The following TGM7 variants were observed in gnomAD, a reference collection of about 807,000 sequenced individuals.
The protein encoded by TGM7 is transglutaminase 7.
In TGM7, 74 loss-of-function variants were observed where a neutral mutation model predicts 79.5. The ratio of observed to expected loss-of-function variants is 0.93; its 90% confidence interval spans 0.77 to 1.13. The LOEUF (loss-of-function observed/expected upper bound fraction) is 1.13, where lower values mean the gene tolerates loss of function less well. Ranked by LOEUF, TGM7 falls within the 50% of genes most tolerant of loss-of-function variation. TGM7 has a pLI of 0.00. For synonymous variants in TGM7, 354 were observed against 362.5 expected (o/e 0.98, Z 0.27); for missense variants, 912 against 905.9 (o/e 1.01, Z -0.09).
At chr15:43,292,393 A>G (rs577312095) in intron 3 of TGM7, among the ~76,000 whole-genome samples, 1 of 152,370 alleles carries the variant, frequency 6.6e-6, no homozygotes, top group South Asian at 2.1e-4. Flanking sequence ...GTAGAAGACA[A>G]TGGAAACTGC....
intron 4 of TGM7, 53 bp from the exon 5 acceptor site, chr15:43,287,722 T>C: frequency 6.4e-7 from 1 of 1,568,702 alleles, no homozygotes; most frequent in Non-Finnish European, 8.6e-7. Flanking sequence ...TCTAGACTTC[T>C]GAAACTTTAA....
intron 11 of TGM7, among the ~76,000 whole-genome samples, chr15:43,278,246 G>A (rs1050104283): frequency 1.3e-5 from 2 of 152,242 alleles, no homozygotes; most frequent in Non-Finnish European, 2.9e-5. Flanking sequence ...CTTTCTGAGT[G>A]GGAGGGGCAG....
Position 43,294,041 on chromosome 15 carries a change from A to C in TGM7, c.11-410T>G, listed in dbSNP as rs145976648. ...AAAGGGAAACAATTCCAGATAACCG[A>C]AACTTAACCCCTGAAGTGCCGCTGC... is the stretch of plus-strand genomic sequence containing the variant. On this transcript the variant is annotated intron_variant, in intron 1 of 12. Coordinates refer to ENST00000452443, the MANE Select transcript of TGM7 (RefSeq NM_052955.3). 9.3e-4 allele frequency among the ~76,000 whole-genome samples: 141 copies of C among 152,194 alleles called. 1 individual carries two copies. Among genetic ancestry groups the C allele is most frequent in the African/African-American group, 3.0e-3 (123 of 41,520 alleles).
intron 8 of TGM7, 73 bp from the exon 9 acceptor site, chr15:43,282,159 T>C (rs1263845913): frequency 3.2e-6 from 5 of 1,577,842 alleles, no homozygotes; most frequent in Non-Finnish European, 4.3e-6. Flanking sequence ...GGAGATGGGA[T>C]AGGCAGCGGC....
At chr15:43,283,574 T>C (rs965941492) in intron 7 of TGM7, among the ~76,000 whole-genome samples, 10 of 152,204 alleles carry the variant, frequency 6.6e-5, no homozygotes, top group African/African-American at 2.2e-4. Flanking sequence ...AAAACAGTCT[T>C]TATGTTATTT....
intron 1 of TGM7, chr15:43,301,956 G>T: frequency 2.0e-6 from 1 of 498,562 alleles, no homozygotes; most frequent in Non-Finnish European, 3.6e-6. Flanking sequence ...CAGGGGCCAA[G>T]CTCTTTTTGG....
intron 4 of TGM7, among the ~76,000 whole-genome samples, chr15:43,291,212 G>A (rs1014046224): frequency 6.6e-6 from 1 of 152,310 alleles, no homozygotes; most frequent in African/African-American, 2.4e-5. Context: ...GTCATAGGTA[G>A]CTCTTATTAT....
At chr15:43,279,345 G>T in intron 10 of TGM7, 68 bp from the exon 11 acceptor site, 3 of 1,526,558 alleles carry the variant, frequency 2.0e-6, no homozygotes, top group Non-Finnish European at 1.8e-6. Context: ...ATGTAGATGT[G>T]AGAGAGGAAA....
intron 7 of TGM7, 61 bp downstream of exon 7, chr15:43,284,753 G>A: frequency 6.3e-7 from 1 of 1,581,090 alleles, no homozygotes; most frequent in Non-Finnish European, 8.7e-7. Context: ...GAGAGAACCA[G>A]GTCAGTTTTT....
intron 1 of TGM7, among the ~76,000 whole-genome samples, chr15:43,294,901 TC>T (rs2042984751): frequency 6.6e-6 from 1 of 150,896 alleles, no homozygotes; most frequent in South Asian, 2.1e-4. Context: ...CCTATCTTGA[TC>T]CTTTTTTTTT....
At chr15:43,276,744 G>C in intron 12 of TGM7, 118 bp downstream of exon 12, 1 of 1,539,874 alleles carries the variant, frequency 6.5e-7, no homozygotes, top group South Asian at 1.3e-5. Context: ...TTCCTGAGGA[G>C]GGTGAGAAAG....
At chr15:43,300,745 G>A (rs986074131) in intron 1 of TGM7, among the ~76,000 whole-genome samples, 4 of 152,202 alleles carry the variant, frequency 2.6e-5, no homozygotes, top group African/African-American at 9.7e-5. Context: ...AGCTTGCAGT[G>A]AACCGAGATT....
chr15:43,281,329 C>T (rs2042907653), intron 9 of TGM7, among the ~76,000 whole-genome samples: 2 of 152,224 alleles, frequency 1.3e-5, no homozygotes, highest in South Asian at 4.1e-4. Context: ...CCACCCCATC[C>T]ACAGGCCCAG....
chr15:43,289,062 C>CT (rs796761551), intron 4 of TGM7, among the ~76,000 whole-genome samples: 1,692 of 145,992 alleles, frequency 0.012, 29 homozygotes, highest in African/African-American at 0.034. Context: ...AGGTCTCTGT[C>CT]TTTTTTTTTT....
Position 43,279,152 on chromosome 15 carries a change from C to G in TGM7, c.1804G>C (p.Asp602His), listed in dbSNP as rs1183121329. 18 of 1,613,976 alleles carry G rather than the reference C, an allele frequency of 1.1e-5. No individual in the cohort carries two copies. Among genetic ancestry groups the G allele is most frequent in the Non-Finnish European group, 1.5e-5 (18 of 1,180,012 alleles). Residue 602 changes from aspartate to histidine, a missense_variant, in exon 11 of 13, where the codon GAT (aspartate) becomes CAT (histidine). Physicochemically the swap from Asp to His is moderately conservative, Grantham distance 81. Transcript: ENST00000452443. ...ETGRSMLVLK[D>H]ICLEPPHLSI... ...AAGTGGGGAGGCTCCAGACAGATAT[C>G]TTTTAGGACCAGCATGGACCTCCCT...
chr15:43,279,600 C>T (rs1157703717), intron 10 of TGM7, 25 bp downstream of exon 10: 7 of 1,544,136 alleles, frequency 4.5e-6, no homozygotes, highest in Non-Finnish European at 6.1e-6. Context: ...CTGTAGGTGC[C>T]TTCTCAGGCC....
At chr15:43,287,172 A>G in intron 6 of TGM7, 108 bp downstream of exon 6, 1 of 1,353,420 alleles carries the variant, frequency 7.4e-7, no homozygotes, top group Non-Finnish European at 1.0e-6. Context: ...GGTGCCCACC[A>G]CCCCCAGCTG....
Position 43,281,828 on chromosome 15 carries a change from A to C in TGM7, c.1351+16T>G, listed in dbSNP as rs756331594. On this transcript the variant is annotated intron_variant, in intron 9 of 12. Transcript: ENST00000452443. ...GAAGCTTAAAGCAGCCCTTTCCCCA[A>C]ATACCCGCCCAGCACCTTCTGGGTA... The C allele has an allele frequency of 6.2e-7, 1 of 1,610,142 alleles. No individual in the cohort carries two copies. Among genetic ancestry groups the C allele is most frequent in the South Asian group, 1.1e-5 (1 of 91,044 alleles).
intron 7 of TGM7, among the ~76,000 whole-genome samples, chr15:43,283,162 A>G (rs1168700520): frequency 6.6e-6 from 1 of 152,238 alleles, no homozygotes; most frequent in African/African-American, 2.4e-5. Context: ...AGATATCTAC[A>G]CATACACACT....
Sources: allele counts gnomAD v4.1 joint callset (sites outside exome capture counted in the v4.1 genomes callset), GRCh38; gene constraint gnomAD v4.1.1; transcripts MANE v1.5; gene names NCBI Gene and HGNC (gene_info 2026-07-23, HGNC 2026-07-21).